Variants in SPTBN2 observed in about 807,000 individuals in gnomAD.
The protein encoded by SPTBN2 is spectrin beta, non-erythrocytic 2.
A neutral mutation model predicts 284.2 loss-of-function variants in SPTBN2; 107 were observed. The ratio of observed to expected loss-of-function variants is 0.38; its 90% CI spans 0.32 to 0.44. SPTBN2 has a LOEUF of 0.44. Ranked by LOEUF, SPTBN2 falls within the 20% of genes least tolerant of loss-of-function variation. The pLI is 1.00. For missense variants in SPTBN2, 2,569 were observed against 3,287.1 expected (o/e 0.78, Z 5.34); for synonymous variants, 1,289 against 1,354.8 (o/e 0.95, Z 1.07).
Position 66,708,855 on chromosome 11 carries a change from G to C in SPTBN2, c.1191+47C>G. ...TTTGGGGATGTGTGCAAGGCATCTGGGCCAGGGCCTGCCCTGAGGGTGGGT... is the reference window on the plus strand; with the variant it reads ...TTTGGGGATGTGTGCAAGGCATCTGCGCCAGGGCCTGCCCTGAGGGTGGGT... On this transcript the variant is annotated intron_variant, in intron 11 of 37. Coordinates refer to ENST00000533211, the MANE Select transcript of SPTBN2 (RefSeq NM_006946.4). The surrounding 1 kb of genome is among the most constrained non-coding windows in gnomAD (Gnocchi z 4.4). The C allele has an allele frequency of 6.6e-7, 1 of 1,523,474 alleles. No homozygotes were observed. The highest frequency in any genetic ancestry group is 9.1e-7 in the Non-Finnish European group (1 of 1,098,742). 94.4% of individuals were successfully genotyped at this position (1,523,474 alleles called of 1,614,324 possible). A position where few individuals can be genotyped will look rare whatever the true frequency, so the allele number is the denominator to read the frequency against.
At chr11:66,704,059 G>A (rs2135436565) in intron 15 of SPTBN2, among the ~76,000 whole-genome samples, 2 of 141,812 alleles carry the variant, frequency 1.4e-5, no homozygotes, top group East Asian at 2.3e-4. Context: ...TGCAAGCTCC[G>A]CCTCCCAGGT....
Position 66,701,736 on chromosome 11 carries a change from G to C in SPTBN2, c.2679-15C>G. ...GGGTCTCGAACCTGAGAGGGTGGAA[G>C]AGCCAGGCGTGAATTGTGGGAGGCA... On this transcript the variant is annotated splice_polypyrimidine_tract_variant and intron_variant, in intron 15 of 37. Coordinates refer to ENST00000533211, the MANE Select transcript of SPTBN2 (RefSeq NM_006946.4). 6.2e-7 allele frequency: 1 copy of C among 1,614,110 alleles called. No homozygotes were observed. Among genetic ancestry groups the C allele is most frequent in the Admixed American group, 1.7e-5 (1 of 60,014 alleles).
Position 66,691,685 on chromosome 11 carries a change from C to A in SPTBN2, c.5191-27G>T, listed in dbSNP as rs767546562. On this transcript the variant is annotated intron_variant, in intron 26 of 37. Transcript: ENST00000533211. This position sits in a 1 kb window ranked among gnomAD's most constrained non-coding sequence, Gnocchi z 8.0. ...TGGTAGAGGAAGCAGATGGACAGACCATGCCGTGATGTTAGGGGATGTGGT... is the reference window on the plus strand; with the variant it reads ...TGGTAGAGGAAGCAGATGGACAGACAATGCCGTGATGTTAGGGGATGTGGT... The A allele has an allele frequency of 3.7e-6, 6 of 1,612,910 alleles. No individual in the cohort carries two copies. The highest frequency in any genetic ancestry group is 5.1e-6 in the Non-Finnish European group (6 of 1,180,008).
rs534214923 is a variant in SPTBN2 at position 66,708,063 on chromosome 11, C to A, written c.1350+78G>T. On this transcript the variant is annotated intron_variant, in intron 12 of 37. Coordinates refer to ENST00000533211, the MANE Select transcript of SPTBN2 (RefSeq NM_006946.4). This position sits in a 1 kb window ranked among gnomAD's most constrained non-coding sequence, Gnocchi z 4.4. ...GATTTTGTGTTTCATTGTCTCTCCACCCCGCGGGGCTTCTTATCCACCCTG... is the reference window on the plus strand; with the variant it reads ...GATTTTGTGTTTCATTGTCTCTCCAACCCGCGGGGCTTCTTATCCACCCTG... 10 of 1,598,672 alleles carry A rather than the reference C, an allele frequency of 6.3e-6. No homozygotes were observed. The highest frequency in any genetic ancestry group is 2.7e-5 in the African/African-American group (2 of 74,626).
In SPTBN2 at chr11:66,693,597, G is replaced by A. The variant is rs1021649831; in HGVS notation, c.4594-151C>T. On this transcript the variant is annotated intron_variant, in intron 23 of 37. Transcript: ENST00000533211. The surrounding 1 kb of genome is among the most constrained non-coding windows in gnomAD (Gnocchi z 5.7). Reference sequence around the variant, plus strand: ...GGTGCGATGGTAACACCCGTCAGCCGCCCAGCCCCCACTATCTCCTACTGA... The same window carrying A: ...GGTGCGATGGTAACACCCGTCAGCCACCCAGCCCCCACTATCTCCTACTGA... The A allele has an allele frequency of 5.4e-5, 76 of 1,400,364 alleles. No homozygotes were observed. The South Asian group carries it at 5.7e-4, about 10-fold the overall frequency. The allele number at this position is 1,400,364 out of a possible 1,614,324, so 86.7% of individuals were successfully genotyped here.
intron 1 of SPTBN2, among the ~76,000 whole-genome samples, chr11:66,724,742 G>C (rs1942550034): frequency 6.6e-6 from 1 of 152,166 alleles, no homozygotes; most frequent in Non-Finnish European, 1.5e-5. Flanking sequence ...CAGCTTCATG[G>C]AACCAGTTAA....
chr11:66,721,308 G>T, intron 2 of SPTBN2, 42 bp downstream of exon 2: 1 of 1,598,322 alleles, frequency 6.3e-7, no homozygotes. Flanking sequence ...GGACCACCAA[G>T]CCCTCCACTC....
At chr11:66,689,237 C>T in intron 29 of SPTBN2, 57 bp from the exon 30 acceptor site, 3 of 1,550,718 alleles carry the variant, frequency 1.9e-6, no homozygotes, top group Middle Eastern at 3.3e-4. Context: ...CTTTCCACGG[C>T]CCCTGGGGAG....
rs574428124 is a variant in SPTBN2, at chr11:66,687,611, C to T, written c.6538G>A (p.Gly2180Arg). The change falls in exon 35 of 38, where the codon GGA (glycine) becomes AGA (arginine). Residue 2180 changes from glycine to arginine, a missense_variant. Transcript: ENST00000533211. This position sits in a 1 kb window ranked among gnomAD's most constrained non-coding sequence, Gnocchi z 5.2. ...CCCCGAGTCCGGGTCTGCCTCTCTC[C>T]CCGGGGCCCATTGGCTTCGTCCCCT... ...GSGDEANGPR[G>R]ERQTRTRGPA... 1 of 1,605,718 alleles carries T rather than the reference C, an allele frequency of 6.2e-7. No homozygotes were observed. Among genetic ancestry groups the T allele is most frequent in the South Asian group, 1.1e-5 (1 of 90,762 alleles).
rs531286732 is a variant in SPTBN2 at position 66,685,634 on chromosome 11, G to T, written c.*237C>A. Reference sequence around the variant, plus strand: ...GGCTGGGGAAAGGGGAGAAGTCGGCGGGGGTGGGAGAGGGGGTTACCTGGG... The same window carrying T: ...GGCTGGGGAAAGGGGAGAAGTCGGCTGGGGTGGGAGAGGGGGTTACCTGGG... On this transcript the variant is annotated 3_prime_UTR_variant, in exon 38 of 38. Transcript: ENST00000533211. The surrounding 1 kb of genome is among the most constrained non-coding windows in gnomAD (Gnocchi z 4.4). 9.2e-6 allele frequency: 5 copies of T among 542,294 alleles called. No individual in the cohort carries two copies. The highest frequency in any genetic ancestry group is 1.7e-5 in the Non-Finnish European group (5 of 298,356). 33.6% of individuals were successfully genotyped at this position (542,294 alleles called of 1,614,324 possible).
In SPTBN2 at chr11:66,710,422, T is replaced by A. The variant is rs961488210; in HGVS notation, c.1073+160A>T. On this transcript the variant is annotated intron_variant, in intron 10 of 37. Coordinates refer to ENST00000533211, the MANE Select transcript of SPTBN2 (RefSeq NM_006946.4). This position sits in a 1 kb window ranked among gnomAD's most constrained non-coding sequence, Gnocchi z 4.9. ...TTAAAAACGACTAATCATTAAAAAA[T>A]TTTATTTTGTATCAACTATGTTGTT... Among the ~76,000 whole-genome samples the A allele has an allele frequency of 6.6e-5, 10 of 152,134 alleles. No homozygotes were observed. Among genetic ancestry groups the A allele is most frequent in the Non-Finnish European group, 1.5e-4 (10 of 68,006 alleles).
chr11:66,717,824 TAC>T (rs151048376), intron 3 of SPTBN2, among the ~76,000 whole-genome samples: 16 of 151,728 alleles, frequency 1.1e-4, no homozygotes, highest in Admixed American at 8.5e-4. Flanking sequence ...CCTAGATCCT[TAC>T]ACACACACAC....
Position 66,688,842 on chromosome 11 carries a change from C to G in SPTBN2, c.6042G>C (p.Glu2014Asp), listed in dbSNP as rs1480966555. ...EKMDWLQLVL[E>D]VLVFGRDAGM... ...CTGCATCTCTTCCAAACACAAGCAC[C>G]TCCAAAACTGGCAGGATCGGGGGTT... is the stretch of plus-strand genomic sequence containing the variant. Residue 2014 changes from glutamate to aspartate, a missense_variant, in exon 31 of 38, where the codon GAG (glutamate) becomes GAC (aspartate). Transcript: ENST00000533211. 6.2e-7 allele frequency: 1 copy of G among 1,612,034 alleles called. No individual in the cohort carries two copies. Among genetic ancestry groups the G allele is most frequent in the East Asian group, 2.2e-5 (1 of 44,866 alleles).
chr11:66,730,309 C>T (rs1456780093), upstream of SPTBN2, among the ~76,000 whole-genome samples: 5 of 151,838 alleles, frequency 3.3e-5, no homozygotes, highest in African/African-American at 7.2e-5. Flanking sequence ...CATGGCCAGG[C>T]GCAGTGGCTC....
chr11:66,715,736 T>A lies in SPTBN2; in HGVS notation c.309+94A>T. Reference sequence around the variant, plus strand: ...CAGAGGGAGCCACTGCTTCCCGCCCTGTGCCGTCACTCTCTCTGAGGGCTG... The same window carrying A: ...CAGAGGGAGCCACTGCTTCCCGCCCAGTGCCGTCACTCTCTCTGAGGGCTG... On this transcript the variant is annotated intron_variant, in intron 4 of 37. Transcript: ENST00000533211. This position sits in a 1 kb window ranked among gnomAD's most constrained non-coding sequence, Gnocchi z 5.3. The A allele has an allele frequency of 6.5e-7, 1 of 1,539,002 alleles. No individual in the cohort carries two copies. Among genetic ancestry groups the A allele is most frequent in the Non-Finnish European group, 8.8e-7 (1 of 1,135,380 alleles).
Position 66,692,622 on chromosome 11 carries a change from C to T in SPTBN2, c.5104G>A (p.Glu1702Lys), listed in dbSNP as rs781647988. Residue 1702 changes from glutamate (E) to lysine (K), a missense_variant, in exon 26 of 38, where the codon GAG becomes AAG. Around this residue, in one of 6 missense-constraint regions of SPTBN2, gnomAD observed 1,130 missense variants for 1,317.3 expected, o/e 0.86. Coordinates refer to ENST00000533211, the MANE Select transcript of SPTBN2 (RefSeq NM_006946.4). ...EHLRLCQLRR[E>K]LDDLEQWIQE... The stretch of plus-strand genomic sequence containing the variant: ...ATCCACTGTTCCAGGTCATCCAGCT[C>T]GCGGCGGAGCTGGCACAGCCGGAGG... 5.0e-6 allele frequency: 8 copies of T among 1,606,358 alleles called. No homozygotes were observed. The highest frequency in any genetic ancestry group is 1.7e-6 in the Non-Finnish European group (2 of 1,179,956).
rs765004111 is a variant in SPTBN2, at chr11:66,705,455, G to A, written c.1821C>T (p.Cys607=). The part of the protein sequence containing the change: ...FCNPGKEYRP[C]DPQLVSERVA... ...CCCGCTCCGACACCAGCTGCGGGTC[G>A]CAAGGTCTATACTCTGAGAAAGTCA... Residue 607 remains cysteine, a synonymous_variant, in exon 15 of 38, where the codon TGC becomes TGT. Coordinates refer to ENST00000533211, the MANE Select transcript of SPTBN2 (RefSeq NM_006946.4). The A allele has an allele frequency of 6.2e-6, 10 of 1,613,006 alleles. No homozygotes were observed. The highest frequency in any genetic ancestry group is 1.7e-5 in the Admixed American group (1 of 60,020).
rs777214144 is a variant in SPTBN2, at chr11:66,700,554, C to G, written c.3545G>C (p.Arg1182Pro). 23 of 1,606,164 alleles carry G rather than the reference C, an allele frequency of 1.4e-5. No individual in the cohort carries two copies. Among genetic ancestry groups the G allele is most frequent in the Non-Finnish European group, 1.9e-5 (23 of 1,180,000 alleles). ...HGFQGFLRDA[R>P]QAEGVLSSQE... is the part of the protein sequence containing the mutation. ...GCTGCTGAGCACGCCCTCAGCCTGA[C>G]GAGCATCCCGCAGGAATCCCTGGAA... The change falls in exon 17 of 38, where the codon CGT (arginine) becomes CCT (proline). Residue 1182 changes from arginine (R) to proline (P), a missense_variant. Transcript: ENST00000533211. The surrounding 1 kb of genome is among the most constrained non-coding windows in gnomAD (Gnocchi z 6.6).
At chr11:66,702,192 A>G (rs979578716) in intron 15 of SPTBN2, among the ~76,000 whole-genome samples, 5 of 152,176 alleles carry the variant, frequency 3.3e-5, no homozygotes, top group Non-Finnish European at 4.4e-5. Flanking sequence ...TTTGAGATGG[A>G]GTCTCGCTCT....
Sources: allele counts gnomAD v4.1 joint callset (sites outside exome capture counted in the v4.1 genomes callset), GRCh38; gene constraint gnomAD v4.1.1; regional missense constraint gnomAD v4.1.1; non-coding constraint Gnocchi (gnomAD v3.1); transcripts MANE v1.5; gene names NCBI Gene and HGNC (gene_info 2026-07-23, HGNC 2026-07-21).